PTPRG: variants seen among roughly 807,000 people sequenced by gnomAD.
PTPRG encodes the protein receptor-type tyrosine-protein phosphatase gamma.
Under a neutral mutation model 165.3 loss-of-function variants are expected in PTPRG, and 102 were observed. The observed-to-expected ratio is 0.62, with a 90% confidence interval of 0.53 to 0.73. The LOEUF (loss-of-function observed/expected upper bound fraction) is 0.73, where lower values mean the gene tolerates loss of function less well. Ranked by LOEUF, PTPRG falls within the 30% of genes least tolerant of loss-of-function variation. The probability of loss-of-function intolerance (pLI) is 0.00; values close to 1 mark genes in which losing one functional copy is unlikely to be tolerated. For missense variants in PTPRG, 1,866 were observed against 1,861.4 expected (o/e 1.00, Z -0.05); for synonymous variants, 675 against 669.5 (o/e 1.01, Z -0.13).
chr3:61,946,766 T>G (rs552893568), intron 2 of PTPRG, among the ~76,000 whole-genome samples: 13 of 152,384 alleles, frequency 8.5e-5, no homozygotes, highest in African/African-American at 2.9e-4. Context: ...AGACATCTGT[T>G]TACTTTCAAC....
intron 2 of PTPRG, among the ~76,000 whole-genome samples, chr3:61,862,707 G>C (rs1245852726): frequency 6.6e-6 from 1 of 152,106 alleles, no homozygotes; most frequent in Non-Finnish European, 1.5e-5. Context: ...ATGTTACTCA[G>C]ACTTAAAGAG....
At chr3:61,611,621 A>G (rs1701170974) in intron 1 of PTPRG, among the ~76,000 whole-genome samples, 1 of 152,166 alleles carries the variant, frequency 6.6e-6, no homozygotes, top group Non-Finnish European at 1.5e-5. Context: ...TTGTGGGTCA[A>G]TTAAGGCAGG....
At chr3:61,845,471 G>T (rs529571889) in intron 2 of PTPRG, among the ~76,000 whole-genome samples, 27 of 152,254 alleles carry the variant, frequency 1.8e-4, no homozygotes, top group Non-Finnish European at 3.1e-4. Context: ...CTATTATCCC[G>T]GGACTTGAAA....
At chr3:61,896,840 A>G (rs1415740735) in intron 2 of PTPRG, among the ~76,000 whole-genome samples, 1 of 151,930 alleles carries the variant, frequency 6.6e-6, no homozygotes, top group Admixed American at 6.6e-5. Context: ...AACTTTTCCC[A>G]TGCTTATTTG....
intron 6 of PTPRG, among the ~76,000 whole-genome samples, chr3:62,133,848 T>C (rs73096548): frequency 0.092 from 13,929 of 152,024 alleles, 937 homozygotes; most frequent in East Asian, 0.35. Context: ...CTGAGCATAG[T>C]GATAGGCGCC....
chr3:62,247,315 A>T (rs963969218), intron 15 of PTPRG, among the ~76,000 whole-genome samples: 4 of 152,128 alleles, frequency 2.6e-5, no homozygotes, highest in Non-Finnish European at 1.5e-5. Context: ...ACCTCTTGGC[A>T]TACGACTGTA....
At chr3:62,004,229 G>A (rs1476933324) in intron 4 of PTPRG, among the ~76,000 whole-genome samples, 1 of 152,150 alleles carries the variant, frequency 6.6e-6, no homozygotes, top group Non-Finnish European at 1.5e-5. Context: ...CTTTTGTTGT[G>A]ATGAACATGT....
At chr3:62,009,053 G>C (rs1249792655) in intron 4 of PTPRG, among the ~76,000 whole-genome samples, 1 of 152,188 alleles carries the variant, frequency 6.6e-6, no homozygotes, top group Non-Finnish European at 1.5e-5. Context: ...GGAAATATCA[G>C]TACTCTACAT....
chr3:62,137,945 G>C (rs988749587), intron 6 of PTPRG, among the ~76,000 whole-genome samples: 6 of 152,162 alleles, frequency 3.9e-5, no homozygotes, highest in Non-Finnish European at 7.3e-5. Flanking sequence ...TTATCGCTGA[G>C]TTCTTTGGCA....
At chr3:61,841,179 T>C (rs1467006032) in intron 2 of PTPRG, among the ~76,000 whole-genome samples, 1 of 152,224 alleles carries the variant, frequency 6.6e-6, no homozygotes, top group African/African-American at 2.4e-5. Flanking sequence ...GGGACCGTTA[T>C]AGAAGTTTAC....
intron 2 of PTPRG, among the ~76,000 whole-genome samples, chr3:61,768,475 AG>A (rs2034104433): frequency 6.6e-6 from 1 of 152,228 alleles, no homozygotes; most frequent in African/African-American, 2.4e-5. Context: ...GAGTCTGTGT[AG>A]GAAGTCCCCG....
intron 4 of PTPRG, among the ~76,000 whole-genome samples, chr3:62,055,120 G>C (rs1700592159): frequency 6.6e-6 from 1 of 152,146 alleles, no homozygotes; most frequent in South Asian, 2.1e-4. Flanking sequence ...TGCTATTGTA[G>C]TTAATATTGT....
At chr3:62,151,077 C>G (rs1161415319) in intron 6 of PTPRG, among the ~76,000 whole-genome samples, 1 of 152,056 alleles carries the variant, frequency 6.6e-6, no homozygotes, top group Non-Finnish European at 1.5e-5. Flanking sequence ...ATTTTTAATC[C>G]AATTATCCAT....
intron 2 of PTPRG, among the ~76,000 whole-genome samples, chr3:61,762,753 A>G (rs911854038): frequency 1.1e-4 from 16 of 151,940 alleles, no homozygotes; most frequent in African/African-American, 3.9e-4. Flanking sequence ...AGACCCCCTT[A>G]CTCTCCTGGC....
chr3:61,798,274 T>C (rs917383056), intron 2 of PTPRG, among the ~76,000 whole-genome samples: 4 of 152,194 alleles, frequency 2.6e-5, no homozygotes, highest in African/African-American at 9.7e-5. Context: ...CTATAAATGC[T>C]AAAATACCAA....
At chr3:61,602,593 A>G (rs1226617366) in intron 1 of PTPRG, among the ~76,000 whole-genome samples, 1 of 152,232 alleles carries the variant, frequency 6.6e-6, no homozygotes, top group African/African-American at 2.4e-5. Context: ...TTTTAGCTGC[A>G]GTAAAACCTG....
intron 6 of PTPRG, among the ~76,000 whole-genome samples, chr3:62,136,356 A>C (rs993633059): frequency 1.3e-5 from 2 of 152,198 alleles, no homozygotes; most frequent in African/African-American, 4.8e-5. Flanking sequence ...GCTCAAACCA[A>C]GTGAACATTA....
At chr3:61,692,199 G>A (rs1182584365) in intron 1 of PTPRG, among the ~76,000 whole-genome samples, 1 of 152,234 alleles carries the variant, frequency 6.6e-6, no homozygotes, top group Non-Finnish European at 1.5e-5. Flanking sequence ...TTGCACGTAA[G>A]TTGCAAATAG....
chr3:61,600,929 C>T (rs1332181380), intron 1 of PTPRG, among the ~76,000 whole-genome samples: 3 of 152,154 alleles, frequency 2.0e-5, no homozygotes, highest in Non-Finnish European at 2.9e-5. Flanking sequence ...AATCTTACTT[C>T]AAATCTCAAT....
Sources: allele counts gnomAD v4.1 joint callset (sites outside exome capture counted in the v4.1 genomes callset), GRCh38; gene constraint gnomAD v4.1.1; transcripts MANE v1.5; gene names NCBI Gene and HGNC (gene_info 2026-07-23, HGNC 2026-07-21).